The following SLC1A6 variants were observed in gnomAD, a reference collection of about 807,000 sequenced individuals.
SLC1A6 encodes the protein solute carrier family 1 member 6.
SLC1A6 carries 15 observed loss-of-function variants against 42.1 expected under a neutral mutation model. The observed-to-expected ratio is 0.36, with a 90% CI of 0.24 to 0.55. The LOEUF is 0.55. SLC1A6 is among the 20% of genes least tolerant of loss of function. The pLI is 0.88. For synonymous variants in SLC1A6, 317 were observed against 319.7 expected (o/e 0.99, Z 0.09); for missense variants, 542 against 772.5 (o/e 0.70, Z 3.54).
At chr19:15,007,895 C>T (rs375778803) in intron 1 of SLC1A6, among the ~76,000 whole-genome samples, 6 of 151,866 alleles carry the variant, frequency 4.0e-5, no homozygotes, top group Admixed American at 6.6e-5. Context: ...TGTGGTGACA[C>T]GCACCTGTAA....
intron 1 of SLC1A6, among the ~76,000 whole-genome samples, chr19:14,990,545 G>A (rs536208203): frequency 4.6e-5 from 7 of 152,232 alleles, no homozygotes; most frequent in South Asian, 2.1e-4. Context: ...CGAGGCAGGC[G>A]GATCACCTGA....
At chr19:14,994,899 A>G (rs1376212206) in intron 1 of SLC1A6, among the ~76,000 whole-genome samples, 2 of 152,196 alleles carry the variant, frequency 1.3e-5, no homozygotes, top group African/African-American at 4.8e-5. Context: ...AAATAAGGAA[A>G]TCCTGCCATT....
At chr19:14,954,656 G>A (rs985781537) in intron 7 of SLC1A6, among the ~76,000 whole-genome samples, 11 of 152,214 alleles carry the variant, frequency 7.2e-5, no homozygotes, top group African/African-American at 2.4e-4. Flanking sequence ...ATGAGCCCAA[G>A]GAGCGTTCCC....
upstream of SLC1A6, among the ~76,000 whole-genome samples, chr19:14,982,095 G>A (rs2045771243): frequency 6.6e-6 from 1 of 151,466 alleles, no homozygotes; most frequent in Non-Finnish European, 1.5e-5. Context: ...AGAAAACAAG[G>A]AATGTCTGAG....
chr19:15,003,400 C>T (rs113754295), intron 1 of SLC1A6, among the ~76,000 whole-genome samples: 1 of 152,202 alleles, frequency 6.6e-6, no homozygotes, highest in South Asian at 2.1e-4. Flanking sequence ...GAAGCACCTC[C>T]TCTCCCAGCC....
intron 1 of SLC1A6, among the ~76,000 whole-genome samples, chr19:14,976,444 C>G (rs73927894): frequency 2.0e-5 from 3 of 152,102 alleles, no homozygotes; most frequent in Non-Finnish European, 4.4e-5. Flanking sequence ...TAGTAATCAG[C>G]CATAATAAAG....
Position 14,968,479 on chromosome 19 carries a change from C to G in SLC1A6, c.372G>C (p.Thr124=). 6.2e-7 allele frequency: 1 copy of G among 1,612,298 alleles called. No individual in the cohort carries two copies. ...CAGCTGCCCGCATCCCCATCCGCCC[C>G]GTGGCCTTGTTGTCCAGGGATGCCA... ...TGMASLDNKA[T]GRMGMRAAVY... The change falls in exon 4 of 10, where the codon ACG becomes ACC. Residue 124 remains threonine (T), a synonymous_variant. Coordinates refer to ENST00000594383, the MANE Select transcript of SLC1A6 (RefSeq NM_005071.3).
chr19:14,964,644 G>A (rs975522503), intron 4 of SLC1A6, among the ~76,000 whole-genome samples: 1 of 152,110 alleles, frequency 6.6e-6, no homozygotes, highest in Non-Finnish European at 1.5e-5. Context: ...GGTGCAGATG[G>A]CCCTCAAATC....
rs759677453 is a variant in SLC1A6, at chr19:14,972,880, G to T, written c.31C>A (p.Arg11=). 15 of 1,598,960 alleles carry T rather than the reference G, an allele frequency of 9.4e-6. No individual in the cohort carries two copies. The highest frequency in any genetic ancestry group is 8.0e-5 in the African/African-American group (6 of 74,730). MSSHGNSLFL[R]ESGQRLGRVG... ...CGGCCCAGCCGCTGGCCGCTCTCCC[G>T]CAGGAACAGGCTGTTGCCATGGCTG... is the stretch of plus-strand genomic sequence containing the variant. The change falls in exon 2 of 10, where the codon CGG becomes AGG. Residue 11 remains arginine (R), a synonymous_variant. Transcript: ENST00000594383.
At chr19:15,008,147 C>T (rs1272941130) in intron 1 of SLC1A6, among the ~76,000 whole-genome samples, 1 of 151,978 alleles carries the variant, frequency 6.6e-6, no homozygotes. Context: ...AGTCTGAGAC[C>T]AGCCTGGGCA....
At chr19:15,008,246 G>A (rs2045906082) in intron 1 of SLC1A6, among the ~76,000 whole-genome samples, 2 of 152,016 alleles carry the variant, frequency 1.3e-5, no homozygotes, top group South Asian at 4.1e-4. Context: ...TTGGGAGACT[G>A]AGGCAGAAGG....
intron 1 of SLC1A6, among the ~76,000 whole-genome samples, chr19:14,978,559 A>G (rs566262530): frequency 1.1e-4 from 16 of 152,182 alleles, no homozygotes; most frequent in African/African-American, 3.6e-4. Context: ...CCATGCATGC[A>G]GTCATACAAT....
intron 1 of SLC1A6, among the ~76,000 whole-genome samples, chr19:15,003,373 T>C (rs2045881176): frequency 6.6e-6 from 1 of 152,184 alleles, no homozygotes; most frequent in Non-Finnish European, 1.5e-5. Flanking sequence ...TTGCAGGAGA[T>C]GACAGGGAAG....
chr19:15,007,833 T>C (rs1390011956), intron 1 of SLC1A6, among the ~76,000 whole-genome samples: 1 of 152,132 alleles, frequency 6.6e-6, no homozygotes, highest in Non-Finnish European at 1.5e-5. Flanking sequence ...GAGACCAGCC[T>C]GGCTAACATG....
At chr19:14,974,115 G>A (rs1242980486) in intron 1 of SLC1A6, 1 of 152,220 alleles carries the variant, frequency 6.6e-6, no homozygotes, top group Admixed American at 6.5e-5. Flanking sequence ...CCAGCACTTT[G>A]GGAGGCCGAA....
upstream of SLC1A6, among the ~76,000 whole-genome samples, chr19:14,983,191 G>A: frequency 6.6e-6 from 1 of 152,204 alleles, no homozygotes; most frequent in Non-Finnish European, 1.5e-5. Flanking sequence ...TAGCTGAGGT[G>A]CAAAAGAACC....
In SLC1A6 at chr19:14,967,828, T is replaced by C. The variant is rs150460929; in HGVS notation, c.548+475A>G. 4.7e-4 allele frequency among the ~76,000 whole-genome samples: 71 copies of C among 152,280 alleles called. 2 individuals carry two copies. Among genetic ancestry groups the C allele is most frequent in the African/African-American group, 1.6e-3 (68 of 41,554 alleles). On this transcript the variant is annotated intron_variant, in intron 4 of 9. Coordinates refer to ENST00000594383, the MANE Select transcript of SLC1A6 (RefSeq NM_005071.3). ...CCACCAGCCATAACTACAGCTTTGATTGGACAAGAGACTGATTTCAGTAAC... is the reference window on the plus strand; with the variant it reads ...CCACCAGCCATAACTACAGCTTTGACTGGACAAGAGACTGATTTCAGTAAC...
chr19:14,984,135 C>A (rs2045781573), upstream of SLC1A6, among the ~76,000 whole-genome samples: 4 of 151,910 alleles, frequency 2.6e-5, no homozygotes, highest in Admixed American at 2.6e-4. Context: ...TATGGAGAAA[C>A]CCCGTCTCTA....
intron 1 of SLC1A6, among the ~76,000 whole-genome samples, chr19:15,008,924 A>G (rs1402528827): frequency 6.6e-6 from 1 of 151,138 alleles, no homozygotes; most frequent in African/African-American, 2.4e-5. Flanking sequence ...TGAGCCTGGG[A>G]GGCAGAGGTT....
Sources: allele counts gnomAD v4.1 joint callset (sites outside exome capture counted in the v4.1 genomes callset), GRCh38; gene constraint gnomAD v4.1.1; transcripts MANE v1.5; gene names NCBI Gene and HGNC (gene_info 2026-07-23, HGNC 2026-07-21).